ARHGEF11: variants seen among roughly 807,000 people sequenced by gnomAD.
The protein encoded by ARHGEF11 is Rho guanine exchange factor (GEF) 11.
Under a neutral mutation model 193.7 loss-of-function variants are expected in ARHGEF11, and 55 were observed. That is an observed-to-expected ratio of 0.28 (90% CI 0.23 to 0.36). The LOEUF (loss-of-function observed/expected upper bound fraction) is 0.36. Among genes scored for constraint, ARHGEF11 ranks in the 10% least tolerant of loss-of-function variants. The pLI is 1.00. For missense variants in ARHGEF11, 1,723 were observed against 2,005.6 expected (o/e 0.86, Z 2.69); for synonymous variants, 693 against 768.0 (o/e 0.90, Z 1.62).
intron 7 of ARHGEF11, among the ~76,000 whole-genome samples, chr1:156,976,206 G>A (rs1663231711): frequency 6.6e-6 from 1 of 151,910 alleles, no homozygotes; most frequent in African/African-American, 2.4e-5. Flanking sequence ...TTGTGCCTTT[G>A]ACCTATGCTG....
In ARHGEF11 at chr1:156,986,647, CACAT is replaced by C. The variant is rs1664960094; in HGVS notation, c.33-478_33-475del. 6.6e-5 allele frequency among the ~76,000 whole-genome samples: 10 copies of C among 152,298 alleles called. No homozygotes were observed. In the South Asian group the frequency reaches 2.1e-3, roughly 32 times the overall value. ...GGAGGGAAGGACGAGGTGGGTCAAACACATACAGAGGTCTGCATGAGCACAACAT... is the reference window on the plus strand; with the variant it reads ...GGAGGGAAGGACGAGGTGGGTCAAACACAGAGGTCTGCATGAGCACAACAT... On this transcript the variant is annotated intron_variant, in intron 1 of 40. Transcript: ENST00000368194.
intron 15 of ARHGEF11, among the ~76,000 whole-genome samples, chr1:156,960,044 T>C (rs1439137180): frequency 1.3e-5 from 2 of 151,412 alleles, no homozygotes; most frequent in Non-Finnish European, 2.9e-5. Flanking sequence ...CAAGGGATTC[T>C]TGACAATCAA....
chr1:156,947,684 C>A, intron 25 of ARHGEF11, 85 bp downstream of exon 25: 2 of 1,527,934 alleles, frequency 1.3e-6, no homozygotes, highest in Non-Finnish European at 8.8e-7. Flanking sequence ...CCCTATTTAC[C>A]TCTTTCCCAC....
intron 33 of ARHGEF11, among the ~76,000 whole-genome samples, chr1:156,942,374 G>A (rs1657186542): frequency 6.6e-6 from 1 of 152,232 alleles, no homozygotes; most frequent in South Asian, 2.1e-4. Flanking sequence ...CTGGGTGGGA[G>A]GCAAATGCCT....
rs1427812962 is a variant in ARHGEF11, at chr1:156,978,243, T to C, written c.471A>G (p.Leu157=). 3.7e-6 allele frequency: 6 copies of C among 1,613,980 alleles called. No homozygotes were observed. Among genetic ancestry groups the C allele is most frequent in the Middle Eastern group, 3.3e-4 (2 of 6,060 alleles). The change falls in exon 6 of 41, where the codon CTA becomes CTG. Residue 157 remains leucine, a synonymous_variant. Coordinates refer to ENST00000368194, the MANE Select transcript of ARHGEF11 (RefSeq NM_198236.3). ...GTCCTGTGATGCGTTGTGGAGGTGG[T>C]AGAGGTGGAGGAGGTGGTGGTGAGG... ...VIPSPPPPPP[L]PPPQRITGPK...
chr1:157,024,533 G>A (rs566064903), intron 1 of ARHGEF11, among the ~76,000 whole-genome samples: 1 of 152,168 alleles, frequency 6.6e-6, no homozygotes, highest in East Asian at 1.9e-4. Context: ...AAGTCATGAA[G>A]GTTAGATGAA....
chr1:156,938,712 A>G, intron 37 of ARHGEF11, 199 bp from the exon 38 acceptor site: 1 of 519,028 alleles, frequency 1.9e-6, no homozygotes, highest in South Asian at 2.9e-5. Context: ...CGAGAGACAG[A>G]GAAGGAAGGT....
intron 1 of ARHGEF11, among the ~76,000 whole-genome samples, chr1:157,001,657 G>A (rs1028369649): frequency 6.6e-6 from 1 of 152,228 alleles, no homozygotes; most frequent in Non-Finnish European, 1.5e-5. Flanking sequence ...CAAATGGAGG[G>A]TGCCCTCTCC....
intron 1 of ARHGEF11, among the ~76,000 whole-genome samples, chr1:156,991,710 ATTTTTTTTTTTTTTT>A (rs57140356): frequency 1.2e-5 from 1 of 83,956 alleles, no homozygotes; most frequent in African/African-American, 4.4e-5. Flanking sequence ...TTTCAAGCTT[ATTTTTTTTTTTTTTT>A]TTTTTTTTTG....
chr1:157,027,275 AG>A (rs1670759656), intron 1 of ARHGEF11, among the ~76,000 whole-genome samples: 1 of 152,110 alleles, frequency 6.6e-6, no homozygotes, highest in African/African-American at 2.4e-5. Context: ...CCAGCTACTC[AG>A]GATGTGGGAG....
At chr1:156,973,482 C>A (rs1365672347) in intron 7 of ARHGEF11, among the ~76,000 whole-genome samples, 2 of 152,206 alleles carry the variant, frequency 1.3e-5, no homozygotes, top group Non-Finnish European at 2.9e-5. Flanking sequence ...TTTCGGTCAT[C>A]CAGTCCCCAG....
chr1:157,040,570 C>T (rs948973941), intron 1 of ARHGEF11, among the ~76,000 whole-genome samples: 9 of 152,172 alleles, frequency 5.9e-5, no homozygotes, highest in African/African-American at 2.2e-4. Context: ...GATTCAGTAA[C>T]CCTTCTCTTC....
intron 16 of ARHGEF11, 36 bp downstream of exon 16, chr1:156,959,010 C>T (rs370715312): frequency 3.2e-5 from 51 of 1,612,156 alleles, no homozygotes; most frequent in Non-Finnish European, 3.7e-5. Flanking sequence ...CGGAGGTGAA[C>T]GAGGAGAGAG....
At position 156,948,094 on chromosome 1, in the gene ARHGEF11, A is replaced by G; in HGVS notation, c.2153+87T>C. 1 of 1,538,016 alleles carries G rather than the reference A, an allele frequency of 6.5e-7. No homozygotes were observed. Among genetic ancestry groups the G allele is most frequent in the Admixed American group, 1.9e-5 (1 of 53,174 alleles). On this transcript the variant is annotated intron_variant, in intron 24 of 40. Transcript: ENST00000368194. This position sits in a 1 kb window ranked among gnomAD's most constrained non-coding sequence, Gnocchi z 4.2. ...GCCCAGAAGAGGAGACAGCCACCCA[A>G]CCAGCCCCTTGCAGGTGAGAGGAGC...
intron 1 of ARHGEF11, among the ~76,000 whole-genome samples, chr1:156,988,540 GC>G (rs1167838441): frequency 1.3e-5 from 2 of 152,256 alleles, no homozygotes; most frequent in South Asian, 4.1e-4. Flanking sequence ...GGTTTCCTAT[GC>G]CCATATTAAA....
Position 156,935,218 on chromosome 1 carries a change from AC to A in ARHGEF11, c.*781del, listed in dbSNP as rs1343233848. On this transcript the variant is annotated 3_prime_UTR_variant, in exon 41 of 41. Coordinates refer to ENST00000368194, the MANE Select transcript of ARHGEF11 (RefSeq NM_198236.3). The stretch of plus-strand genomic sequence containing the variant: ...GAGGGGGACATAGGTGGGGTAAGAA[AC>A]CCCCATGATCCCCATCTTGTGAAGA... 6.6e-6 allele frequency: 1 copy of A among 152,112 alleles called. No individual in the cohort carries two copies. Among genetic ancestry groups the A allele is most frequent in the Non-Finnish European group, 1.5e-5 (1 of 67,990 alleles). The allele number at this position is 152,112 out of a possible 1,614,324, so 9.4% of individuals were successfully genotyped here.
chr1:156,950,691 A>G (rs2101985509), intron 22 of ARHGEF11, among the ~76,000 whole-genome samples: 1 of 152,314 alleles, frequency 6.6e-6, no homozygotes, highest in South Asian at 2.1e-4. Context: ...AAACGAAGGC[A>G]AAATGGCTTG....
chr1:156,937,115 G>A, intron 39 of ARHGEF11, 110 bp from the exon 40 acceptor site: 1 of 1,565,822 alleles, frequency 6.4e-7, no homozygotes, highest in Non-Finnish European at 8.7e-7. Context: ...AAGGGTGGCT[G>A]GGCGGGCTGG....
At chr1:156,941,798 A>G (rs2101846263) in intron 34 of ARHGEF11, 66 bp downstream of exon 34, 3 of 1,538,440 alleles carry the variant, frequency 2.0e-6, no homozygotes, top group Non-Finnish European at 2.6e-6. Flanking sequence ...GAAGGGCTTA[A>G]AAGCAGCAGG....
Sources: gnomAD v4.1 joint callset for allele counts (sites outside exome capture counted in the v4.1 genomes callset) on GRCh38, gnomAD v4.1.1 for gene constraint, Gnocchi (gnomAD v3.1) non-coding constraint, MANE v1.5 for transcripts, NCBI Gene and HGNC (gene_info 2026-07-23, HGNC 2026-07-21) for gene names.